LOXHD1: variants seen among roughly 807,000 people sequenced by gnomAD.
LOXHD1 encodes the protein lipoxygenase homology PLAT domains 1.
LOXHD1 carries 205 observed loss-of-function variants against 248.2 expected under a neutral mutation model. That is an observed-to-expected ratio of 0.83 (90% CI 0.74 to 0.93). The LOEUF is 0.93. Ranked by LOEUF, LOXHD1 falls within the 40% of genes least tolerant of loss-of-function variation. The probability of loss-of-function intolerance (pLI) is 0.00; values close to 1 mark genes in which losing one functional copy is unlikely to be tolerated. For missense variants in LOXHD1, 2,930 were observed against 2,971.6 expected (o/e 0.99, Z 0.33); for synonymous variants, 1,113 against 1,162.8 (o/e 0.96, Z 0.87).
At position 46,657,150 on chromosome 18, in the gene LOXHD1, C is replaced by A. The variant is rs1374537391; in HGVS notation, c.-117G>T. On this transcript the variant is annotated 5_prime_UTR_variant, in exon 1 of 41. Coordinates refer to ENST00000642948, the MANE Select transcript of LOXHD1 (RefSeq NM_001384474.1). Reference sequence around the variant, plus strand: ...GCCCACGGCCCTCCTATAGCTCAGGCCTGGGTGGGCCAGAGTGCCCCGTTT... The same window carrying A: ...GCCCACGGCCCTCCTATAGCTCAGGACTGGGTGGGCCAGAGTGCCCCGTTT... 3 of 1,494,580 alleles carry A rather than the reference C, an allele frequency of 2.0e-6. No individual in the cohort carries two copies. The highest frequency in any genetic ancestry group is 1.4e-5 in the African/African-American group (1 of 71,882). 92.6% of individuals were successfully genotyped at this position (1,494,580 alleles called of 1,614,324 possible).
intron 38 of LOXHD1, among the ~76,000 whole-genome samples, chr18:46,487,021 A>T (rs926323883): frequency 6.6e-6 from 1 of 152,170 alleles, no homozygotes; most frequent in African/African-American, 2.4e-5. Flanking sequence ...GAAGGAACAG[A>T]TGAAAGAGGA....
At chr18:46,504,887 G>A (rs925114695) in intron 37 of LOXHD1, among the ~76,000 whole-genome samples, 11 of 152,142 alleles carry the variant, frequency 7.2e-5, no homozygotes, top group East Asian at 3.9e-4. Flanking sequence ...TGAAGAAAGC[G>A]GTATGCATCA....
At chr18:46,551,133 C>T (rs1345502704) in intron 21 of LOXHD1, among the ~76,000 whole-genome samples, 20 of 148,000 alleles carry the variant, frequency 1.4e-4, no homozygotes, top group African/African-American at 2.0e-4. Context: ...GACAGAGTCT[C>T]GCTCTGTCTC....
rs121918370 is a variant in LOXHD1, at chr18:46,572,125, G to A, written c.2008C>T (p.Arg670Ter). The change falls in exon 15 of 41, where the codon CGA (arginine) becomes TGA (stop). Residue 670 changes from arginine to a stop codon, truncating the protein, a stop_gained. Coordinates refer to ENST00000642948, the MANE Select transcript of LOXHD1 (RefSeq NM_001384474.1). LOFTEE classifies it high-confidence loss of function. Reference sequence around the variant, plus strand: ...CTGCTGTCACTGGGTAGCAACTCTCGGACCAGCTGCCCATCATCCTTATCC... The same window carrying A: ...CTGCTGTCACTGGGTAGCAACTCTCAGACCAGCTGCCCATCATCCTTATCC... ...DKDKDDGQLV[R>*]ELLPSDSSAT... 9.7e-6 allele frequency: 15 copies of A among 1,551,720 alleles called. No homozygotes were observed. Among genetic ancestry groups the A allele is most frequent in the South Asian group, 8.3e-5 (7 of 84,066 alleles).
At chr18:46,487,111 G>C (rs1042276463) in intron 38 of LOXHD1, among the ~76,000 whole-genome samples, 1 of 152,146 alleles carries the variant, frequency 6.6e-6, no homozygotes, top group African/African-American at 2.4e-5. Context: ...CACACCCAAG[G>C]ACAAGCCCTA....
At position 46,524,573 on chromosome 18, in the gene LOXHD1, C is replaced by G; in HGVS notation, c.4769G>C (p.Cys1590Ser). The change falls in exon 31 of 41, where the codon TGC becomes TCC. Residue 1590 changes from cysteine to serine, a missense_variant. By Grantham distance (112) the Cys-to-Ser change is moderately radical. Coordinates refer to ENST00000642948, the MANE Select transcript of LOXHD1 (RefSeq NM_001384474.1). Reference sequence around the variant, plus strand: ...CTCCCAGAAGTCAGCAGGGCTGCTGCAGTTGCTGCTGCGGTCCCCAGTGTA... The same window carrying G: ...CTCCCAGAAGTCAGCAGGGCTGCTGGAGTTGCTGCTGCGGTCCCCAGTGTA... Reference protein sequence around the residue: ...KEYTGDRSSNCSSPADFWEIA... With the variant: ...KEYTGDRSSNSSSPADFWEIA... 1 of 1,551,746 alleles carries G rather than the reference C, an allele frequency of 6.4e-7. No individual in the cohort carries two copies.
intron 37 of LOXHD1, among the ~76,000 whole-genome samples, chr18:46,503,124 TC>T (rs1415322152): frequency 1.3e-5 from 2 of 152,190 alleles, no homozygotes; most frequent in Non-Finnish European, 2.9e-5. Context: ...ATGATTCCTA[TC>T]CTCAAAGGCA....
At chr18:46,480,138 C>A (rs1290231720) in intron 40 of LOXHD1, among the ~76,000 whole-genome samples, 4 of 152,114 alleles carry the variant, frequency 2.6e-5, no homozygotes, top group Non-Finnish European at 5.9e-5. Flanking sequence ...TATGCATATG[C>A]CCACTAATAT....
At chr18:46,572,979 C>T (rs1040354208) in intron 14 of LOXHD1, among the ~76,000 whole-genome samples, 10 of 142,998 alleles carry the variant, frequency 7.0e-5, no homozygotes, top group African/African-American at 1.8e-4. Flanking sequence ...GCAGAGATTG[C>T]GCCACTGCAC....
chr18:46,534,255 G>A lies in LOXHD1; in HGVS notation c.4212+80C>T, dbSNP rs550138810. ...CTCAATAAGGCTGATCTAGCCAGTAGGTCCTCACAGGGAATTTGCCTTGAA... is the reference window on the plus strand; with the variant it reads ...CTCAATAAGGCTGATCTAGCCAGTAAGTCCTCACAGGGAATTTGCCTTGAA... On this transcript the variant is annotated intron_variant, in intron 27 of 40. Coordinates refer to ENST00000642948, the MANE Select transcript of LOXHD1 (RefSeq NM_001384474.1). 32 of 907,112 alleles carry A rather than the reference G, an allele frequency of 3.5e-5. No individual in the cohort carries two copies. The East Asian group carries it at 8.5e-4, about 24-fold the overall frequency. 56.2% of individuals were successfully genotyped at this position (907,112 alleles called of 1,614,324 possible).
At position 46,489,054 on chromosome 18, in the gene LOXHD1, G is replaced by C. The variant is rs574598048; in HGVS notation, c.5967C>G (p.Leu1989=). The part of the protein sequence containing the change: ...ETFHFQCDCW[L]SKSEGDGQTV... The stretch of plus-strand genomic sequence containing the variant: ...TCTGCCCGTCACCCTCACTCTTGGA[G>C]AGCCAGCAGTCACACTGGAAGTGGA... Residue 1989 remains leucine, a synonymous_variant, in exon 38 of 41, where the codon CTC becomes CTG. Transcript: ENST00000642948. The C allele has an allele frequency of 1.3e-6, 2 of 1,551,696 alleles. No homozygotes were observed. The highest frequency in any genetic ancestry group is 3.9e-5 in the Admixed American group (2 of 51,008).
At chr18:46,522,937 G>A (rs1407748642) in intron 31 of LOXHD1, among the ~76,000 whole-genome samples, 1 of 151,972 alleles carries the variant, frequency 6.6e-6, no homozygotes. Context: ...AGGTTTCTGG[G>A]GAAATCTTTT....
intron 1 of LOXHD1, 27 bp downstream of exon 1, chr18:46,656,877 C>T (rs2039189313): frequency 1.9e-6 from 3 of 1,549,002 alleles, no homozygotes; most frequent in South Asian, 1.2e-5. Context: ...CTGCACCACC[C>T]GCCCCCCGCA....
At position 46,479,236 on chromosome 18, in the gene LOXHD1, ATG is replaced by A. The variant is rs10645069; in HGVS notation, c.6342-1286_6342-1285del. Among the ~76,000 whole-genome samples, 1,154 of 142,844 alleles carry A rather than the reference ATG, an allele frequency of 8.1e-3. 12 individuals carry two copies. Among genetic ancestry groups the A allele is most frequent in the African/African-American group, 0.026 (982 of 37,874 alleles). 93.7% of individuals were successfully genotyped at this position (142,844 alleles called of 152,430 possible). On this transcript the variant is annotated intron_variant, in intron 40 of 40. Coordinates refer to ENST00000642948, the MANE Select transcript of LOXHD1 (RefSeq NM_001384474.1). ...GAACAAAGAGTTTGTATATATATGT[ATG>A]TGTGTGTGTGTGTGTGTGTGTGTGT...
At chr18:46,610,624 G>A (rs2038492537) in intron 6 of LOXHD1, among the ~76,000 whole-genome samples, 152 bp downstream of exon 6, 1 of 152,164 alleles carries the variant, frequency 6.6e-6, no homozygotes, top group Admixed American at 6.5e-5. Flanking sequence ...GAGGCCATAA[G>A]GAGGACAGAA....
At chr18:46,601,119 T>C in intron 8 of LOXHD1, 98 bp downstream of exon 8, 2 of 1,428,468 alleles carry the variant, frequency 1.4e-6, no homozygotes, top group South Asian at 1.4e-5. Flanking sequence ...ACTCTGTAAC[T>C]AGTTCAGAGA....
chr18:46,529,465 G>T, intron 28 of LOXHD1, 134 bp from the exon 29 acceptor site: 2 of 1,023,474 alleles, frequency 2.0e-6, no homozygotes, highest in Non-Finnish European at 2.7e-6. Flanking sequence ...CCTTCCTTTT[G>T]TTTGCTCAAT....
intron 4 of LOXHD1, among the ~76,000 whole-genome samples, chr18:46,638,492 G>C (rs1405219171): frequency 6.6e-6 from 1 of 152,152 alleles, no homozygotes; most frequent in Non-Finnish European, 1.5e-5. Flanking sequence ...AATTAGCTGG[G>C]TGTGGTGTCA....
chr18:46,627,231 G>A (rs2038755137), intron 4 of LOXHD1, among the ~76,000 whole-genome samples: 1 of 152,178 alleles, frequency 6.6e-6, no homozygotes, highest in South Asian at 2.1e-4. Flanking sequence ...GAGTGGCTGT[G>A]AGGCTGGAGG....
Sources: allele counts gnomAD v4.1 joint callset (sites outside exome capture counted in the v4.1 genomes callset), GRCh38; gene constraint gnomAD v4.1.1; transcripts MANE v1.5; gene names NCBI Gene and HGNC (gene_info 2026-07-23, HGNC 2026-07-21).